Variants in CSMD1 observed in about 807,000 individuals in gnomAD.
CSMD1 encodes CUB and sushi domain-containing protein 1.
Under a neutral mutation model 417.5 loss-of-function variants are expected in CSMD1, and 213 were observed. The ratio of observed to expected loss-of-function variants is 0.51; its 90% CI spans 0.46 to 0.57. The LOEUF is 0.57. Ranked by LOEUF, CSMD1 falls within the 20% of genes least tolerant of loss-of-function variation. CSMD1 has a pLI of 0.00. For missense variants in CSMD1, 6,923 were observed against 4,529.7 expected (o/e 1.53, Z -15.17); for synonymous variants, 2,862 against 1,736.8 (o/e 1.65, Z -16.11).
At chr8:4,203,862 A>C (rs1799814904) in intron 3 of CSMD1, among the ~76,000 whole-genome samples, 1 of 152,158 alleles carries the variant, frequency 6.6e-6, no homozygotes, top group African/African-American at 2.4e-5. Flanking sequence ...CACTTTTGGA[A>C]GGCTGAGGTA....
chr8:3,189,885 G>C (rs1017609716), intron 34 of CSMD1, 27 bp downstream of exon 34: 12 of 1,544,130 alleles, frequency 7.8e-6, no homozygotes, highest in South Asian at 1.2e-5. Flanking sequence ...GAGTTCTGGC[G>C]GGCAGCCGCT....
intron 1 of CSMD1, among the ~76,000 whole-genome samples, chr8:4,835,375 T>C (rs1800417021): frequency 6.6e-6 from 1 of 152,146 alleles, no homozygotes; most frequent in Admixed American, 6.5e-5. Context: ...CTGAGGTTAG[T>C]AATTTGGGAA....
intron 3 of CSMD1, among the ~76,000 whole-genome samples, chr8:4,367,655 A>G (rs112630387): frequency 7.3e-4 from 111 of 152,280 alleles, no homozygotes; most frequent in African/African-American, 2.1e-3. Flanking sequence ...TTTGGGTGGT[A>G]TGATGATTTT....
At chr8:3,318,320 G>A (rs909859458) in intron 23 of CSMD1, among the ~76,000 whole-genome samples, 3 of 152,106 alleles carry the variant, frequency 2.0e-5, no homozygotes, top group Admixed American at 1.3e-4. Flanking sequence ...TTCTCTAATT[G>A]AGAACATAAA....
intron 30 of CSMD1, among the ~76,000 whole-genome samples, chr8:3,206,246 G>T (rs1797247481): frequency 7.7e-6 from 1 of 130,430 alleles, no homozygotes; most frequent in Non-Finnish European, 1.6e-5. Flanking sequence ...GTATGTGTGT[G>T]GGGGGTATGT....
chr8:3,510,615 T>C (rs1308643912), intron 10 of CSMD1, among the ~76,000 whole-genome samples: 1 of 151,856 alleles, frequency 6.6e-6, no homozygotes, highest in Non-Finnish European at 1.5e-5. Flanking sequence ...GGTGACTCTC[T>C]TGCAGAAGAA....
intron 1 of CSMD1, among the ~76,000 whole-genome samples, chr8:4,922,100 G>C (rs1806535343): frequency 6.6e-6 from 1 of 152,122 alleles, no homozygotes; most frequent in Non-Finnish European, 1.5e-5. Flanking sequence ...TCATGATCCA[G>C]GAAGTCACTC....
rs1554522695 is a variant in CSMD1, at chr8:4,604,411, G to GTGCGCGCA, written c.302+32930_302+32931insTGCGCGCA. Among the ~76,000 whole-genome samples the GTGCGCGCA allele has an allele frequency of 2.9e-4, 6 of 20,462 alleles. No homozygotes were observed. The East Asian group carries it at 0.026, about 89-fold the overall frequency. 13.4% of individuals were successfully genotyped at this position (20,462 alleles called of 152,430 possible). On this transcript the variant is annotated intron_variant, in intron 2 of 69. Transcript: ENST00000635120. ...TGTGTGTGTGTGTGTGTGTGTGTGT[G>GTGCGCGCA]CGCGTGCGTAAAGACTAGGATCTCC...
intron 1 of CSMD1, among the ~76,000 whole-genome samples, chr8:4,810,052 C>T (rs12677327): frequency 0.068 from 10,356 of 152,234 alleles, 600 homozygotes; most frequent in East Asian, 0.24. Flanking sequence ...AAATGTTATA[C>T]AAAAATACCA....
chr8:4,282,153 C>T (rs115822228), intron 3 of CSMD1, among the ~76,000 whole-genome samples: 1,719 of 152,258 alleles, frequency 0.011, 23 homozygotes, highest in African/African-American at 0.039. Flanking sequence ...TGCTCAAATA[C>T]GATTTCAAAA....
intron 17 of CSMD1, among the ~76,000 whole-genome samples, chr8:3,395,059 A>T (rs572370408): frequency 1.3e-5 from 2 of 152,256 alleles, no homozygotes; most frequent in Admixed American, 6.5e-5. Context: ...GGGCTCAGGG[A>T]GAGGGTAACA....
At chr8:3,084,562 C>T (rs1427506938) in intron 49 of CSMD1, among the ~76,000 whole-genome samples, 1 of 142,352 alleles carries the variant, frequency 7.0e-6, no homozygotes, top group Non-Finnish European at 1.5e-5. Flanking sequence ...CTAAAAGTAA[C>T]AAAAGGAAAG....
At chr8:4,831,278 G>A (rs1220549088) in intron 1 of CSMD1, among the ~76,000 whole-genome samples, 2 of 152,160 alleles carry the variant, frequency 1.3e-5, no homozygotes, top group African/African-American at 4.8e-5. Flanking sequence ...GGAAATTAGT[G>A]CTCCACTGGG....
chr8:3,805,588 T>C (rs1474725433), intron 5 of CSMD1, among the ~76,000 whole-genome samples: 1 of 152,194 alleles, frequency 6.6e-6, no homozygotes, highest in Non-Finnish European at 1.5e-5. Context: ...CCTTTCTGAA[T>C]CAGTTTTCCA....
chr8:3,979,704 C>T (rs1330111920), intron 5 of CSMD1, among the ~76,000 whole-genome samples: 1 of 152,168 alleles, frequency 6.6e-6, no homozygotes, highest in African/African-American at 2.4e-5. Flanking sequence ...AATGCGTACC[C>T]AGAACTGAAT....
Position 3,949,220 on chromosome 8 carries a change from C to T in CSMD1, c.818+48683G>A, listed in dbSNP as rs150375093. ...TCTTTATAGTGACAACCCTTAAAAT[C>T]TTCTGTTAGCAATTTTGAAAAAATA... On this transcript the variant is annotated intron_variant, in intron 5 of 69. Coordinates refer to ENST00000635120, the MANE Select transcript of CSMD1 (RefSeq NM_033225.6). Among the ~76,000 whole-genome samples the T allele has an allele frequency of 3.7e-3, 566 of 152,190 alleles. 1 individual carries two copies. The highest frequency in any genetic ancestry group is 0.012 in the African/African-American group (516 of 41,508).
At chr8:4,069,316 A>G (rs949723084) in intron 3 of CSMD1, among the ~76,000 whole-genome samples, 1 of 152,198 alleles carries the variant, frequency 6.6e-6, no homozygotes, top group African/African-American at 2.4e-5. Flanking sequence ...TTAAAAACTG[A>G]AAGTCAACAA....
chr8:4,022,214 T>A (rs1796825543), intron 4 of CSMD1, among the ~76,000 whole-genome samples: 2 of 147,640 alleles, frequency 1.4e-5, no homozygotes, highest in Middle Eastern at 7.1e-3. Flanking sequence ...ATAGCATTGT[T>A]ATTGGTAATA....
chr8:3,170,469 A>T (rs1308954758), intron 37 of CSMD1, among the ~76,000 whole-genome samples: 1 of 152,124 alleles, frequency 6.6e-6, no homozygotes, highest in Non-Finnish European at 1.5e-5. Context: ...CGGCCTCCCA[A>T]AGTGCTGGGA....
Sources: allele counts gnomAD v4.1 joint callset (sites outside exome capture counted in the v4.1 genomes callset), GRCh38; gene constraint gnomAD v4.1.1; transcripts MANE v1.5; gene names NCBI Gene and HGNC (gene_info 2026-07-23, HGNC 2026-07-21).